Variants in RYR3 observed in about 807,000 individuals in gnomAD.
The protein encoded by RYR3 is brain ryanodine receptor-calcium release channel.
A neutral mutation model predicts 584.3 loss-of-function variants in RYR3; 207 were observed. That is an observed-to-expected ratio of 0.35 (90% CI 0.32 to 0.40). RYR3 has a LOEUF of 0.40. Among genes scored for constraint, RYR3 ranks in the 10% least tolerant of loss-of-function variants. The pLI is 1.00. For missense variants in RYR3, 5,616 were observed against 6,089.2 expected, an observed-to-expected ratio of 0.92 and a Z score of 2.59; for synonymous variants, 2,416 against 2,248.5, an observed-to-expected ratio of 1.07 and a Z score of -2.11.
intron 47 of RYR3, among the ~76,000 whole-genome samples, chr15:33,730,423 C>G (rs1186324502): frequency 6.6e-6 from 1 of 152,152 alleles, no homozygotes; most frequent in Non-Finnish European, 1.5e-5. Flanking sequence ...AAAGCTCTGT[C>G]CTTTCTCGTT....
At chr15:33,829,393 T>G (rs2077545866) in intron 85 of RYR3, among the ~76,000 whole-genome samples, 1 of 152,176 alleles carries the variant, frequency 6.6e-6, no homozygotes, top group Non-Finnish European at 1.5e-5. Context: ...ATTCCTCTGA[T>G]GGATCTGGGC....
At chr15:33,501,848 T>C (rs192060588) in intron 2 of RYR3, among the ~76,000 whole-genome samples, 58 of 152,198 alleles carry the variant, frequency 3.8e-4, no homozygotes, top group East Asian at 2.3e-3. Context: ...CTTGCTCAAG[T>C]CCCATACAAA....
At chr15:33,834,285 A>AACACACACAC (rs61059288) in intron 86 of RYR3, among the ~76,000 whole-genome samples, 3,482 of 136,894 alleles carry the variant, frequency 0.025, 57 homozygotes, top group African/African-American at 0.031. Flanking sequence ...ATCTGTCTTA[A>AACACACACAC]ACACACACAC....
intron 1 of RYR3, among the ~76,000 whole-genome samples, chr15:33,463,624 A>G (rs1006995672): frequency 2.6e-5 from 4 of 152,162 alleles, no homozygotes; most frequent in Non-Finnish European, 5.9e-5. Context: ...CTGAGAGAGA[A>G]TTAATTGCAT....
Position 33,731,631 on chromosome 15 carries a change from A to T in RYR3, c.7361A>T (p.Lys2454Met). The change falls in exon 48 of 104, where the codon AAG (lysine) becomes ATG (methionine). Residue 2454 changes from lysine (K) to methionine (M), a missense_variant. Transcript: ENST00000634891. ...STLQTIYRLSKGRSLTKAQRD... is the reference protein window; with the variant it reads ...STLQTIYRLSMGRSLTKAQRD... ...CTGCAGACAATATACAGGCTATCCA[A>T]GGGACGTTCCCTCACCAAAGCACAA... 6.2e-7 allele frequency: 1 copy of T among 1,613,926 alleles called. No homozygotes were observed. Among genetic ancestry groups the T allele is most frequent in the Non-Finnish European group, 8.5e-7 (1 of 1,179,818 alleles).
At chr15:33,858,000 G>C (rs1264227989) in intron 99 of RYR3, 86 bp downstream of exon 99, 8 of 1,552,900 alleles carry the variant, frequency 5.2e-6, no homozygotes, top group African/African-American at 1.4e-5. Context: ...GGCTGTGTGG[G>C]GGTGCTCTTG....
chr15:33,434,613 C>A (rs1730443177), intron 1 of RYR3, among the ~76,000 whole-genome samples: 1 of 151,968 alleles, frequency 6.6e-6, no homozygotes, highest in African/African-American at 2.4e-5. Context: ...AAGGCACAAA[C>A]AATAAAGATA....
chr15:33,587,744 T>G (rs1418662547), intron 16 of RYR3, among the ~76,000 whole-genome samples: 3 of 152,214 alleles, frequency 2.0e-5, no homozygotes, highest in African/African-American at 7.2e-5. Context: ...GGGTAAAGGT[T>G]TGTCATGAAT....
chr15:33,523,625 T>A (rs1227698279), intron 3 of RYR3, among the ~76,000 whole-genome samples: 1 of 152,092 alleles, frequency 6.6e-6, no homozygotes, highest in Non-Finnish European at 1.5e-5. Flanking sequence ...AAGGGAGTGA[T>A]CTGCTAGCCT....
intron 67 of RYR3, among the ~76,000 whole-genome samples, chr15:33,796,004 G>A (rs1181916575): frequency 2.0e-5 from 3 of 152,160 alleles, no homozygotes; most frequent in Admixed American, 1.3e-4. Context: ...CCTCAGGCTT[G>A]GTCCTCTAGG....
chr15:33,520,769 G>T (rs1169801282), intron 3 of RYR3, among the ~76,000 whole-genome samples: 1 of 152,180 alleles, frequency 6.6e-6, no homozygotes, highest in South Asian at 2.1e-4. Context: ...TGGCATCTGT[G>T]TTCAAAGAAA....
intron 1 of RYR3, among the ~76,000 whole-genome samples, chr15:33,472,792 A>G (rs1413769629): frequency 2.0e-5 from 3 of 152,068 alleles, no homozygotes; most frequent in Non-Finnish European, 4.4e-5. Flanking sequence ...CAGTTCTTCT[A>G]CTTGACCTTC....
At chr15:33,499,931 G>A (rs1201227676) in intron 2 of RYR3, among the ~76,000 whole-genome samples, 2 of 152,160 alleles carry the variant, frequency 1.3e-5, no homozygotes, top group Non-Finnish European at 2.9e-5. Flanking sequence ...ACAGGGGCTC[G>A]TGACCACGGG....
intron 14 of RYR3, among the ~76,000 whole-genome samples, chr15:33,583,689 G>A (rs2058700984): frequency 1.3e-5 from 2 of 152,170 alleles, no homozygotes; most frequent in Admixed American, 6.5e-5. Context: ...GGAGGCTGAG[G>A]TGAGGAGGAT....
chr15:33,728,336 A>G (rs1455820030), intron 46 of RYR3, among the ~76,000 whole-genome samples: 2 of 152,264 alleles, frequency 1.3e-5, no homozygotes, highest in Non-Finnish European at 2.9e-5. Flanking sequence ...CCTCAAGAGT[A>G]TAGTTCACAG....
intron 100 of RYR3, among the ~76,000 whole-genome samples, chr15:33,859,959 T>C (rs1490262029): frequency 2.0e-5 from 3 of 152,164 alleles, no homozygotes; most frequent in African/African-American, 4.8e-5. Context: ...AGGAACCCCT[T>C]CCTTCTGTTC....
chr15:33,794,128 T>TAATGTATA (rs1491241987), intron 67 of RYR3, among the ~76,000 whole-genome samples: 2 of 97,786 alleles, frequency 2.0e-5, no homozygotes, highest in Non-Finnish European at 3.8e-5. Context: ...TAAATATATA[T>TAATGTATA]TTATATATAA....
At chr15:33,357,679 A>G (rs1022948746) in intron 1 of RYR3, among the ~76,000 whole-genome samples, 1 of 152,134 alleles carries the variant, frequency 6.6e-6, no homozygotes, top group East Asian at 1.9e-4. Context: ...TTACTTTCTT[A>G]ATAAACTTGC....
intron 23 of RYR3, 81 bp from the exon 24 acceptor site, chr15:33,632,867 AC>A: frequency 8.1e-7 from 1 of 1,235,190 alleles, no homozygotes; most frequent in South Asian, 1.4e-5. Context: ...TAGCGTTCTT[AC>A]CATGTGCTCT....
Sources: gnomAD v4.1 joint callset for allele counts (sites outside exome capture counted in the v4.1 genomes callset) on GRCh38, gnomAD v4.1.1 for gene constraint, MANE v1.5 for transcripts, NCBI Gene and HGNC (gene_info 2026-07-23, HGNC 2026-07-21) for gene names.